MAP2K2: variants seen among roughly 807,000 people sequenced by gnomAD.
The protein encoded by MAP2K2 is dual specificity mitogen-activated protein kinase kinase 2.
MAP2K2 carries 24 observed loss-of-function variants against 43.7 expected under a neutral mutation model. The observed-to-expected ratio is 0.55, with a 90% CI of 0.40 to 0.77. The LOEUF (loss-of-function observed/expected upper bound fraction) is 0.77. Ranked by LOEUF, MAP2K2 falls within the 30% of genes least tolerant of loss-of-function variation. The pLI, the probability that MAP2K2 is intolerant of heterozygous loss-of-function variation, is 0.00. For synonymous variants in MAP2K2, 244 were observed against 239.7 expected, an observed-to-expected ratio of 1.02 and a Z score of -0.17; for missense variants, 470 against 566.8, an observed-to-expected ratio of 0.83 and a Z score of 1.73.
At chr19:4,123,498 T>C (rs1000628312) in intron 1 of MAP2K2, among the ~76,000 whole-genome samples, 2 of 147,350 alleles carry the variant, frequency 1.4e-5, no homozygotes, top group South Asian at 2.1e-4. Flanking sequence ...CCTCGCCCAA[T>C]CTCACTGCTC....
intron 3 of MAP2K2, among the ~76,000 whole-genome samples, chr19:4,104,038 C>T (rs1413155769): frequency 2.0e-5 from 3 of 151,798 alleles, no homozygotes; most frequent in Non-Finnish European, 2.9e-5. Context: ...CTGAGGCAGG[C>T]GGATCACTTG....
At chr19:4,103,819 C>T (rs1351657185) in intron 3 of MAP2K2, among the ~76,000 whole-genome samples, 1 of 152,226 alleles carries the variant, frequency 6.6e-6, no homozygotes, top group East Asian at 1.9e-4. Flanking sequence ...GCTGAAGACG[C>T]AGACACACAG....
intron 1 of MAP2K2, among the ~76,000 whole-genome samples, chr19:4,118,569 G>C (rs901542711): frequency 7.2e-5 from 11 of 151,862 alleles, no homozygotes; most frequent in Admixed American, 2.6e-4. Context: ...GCAGAGGGAG[G>C]CTCTGTCTCA....
At chr19:4,096,451 C>A (rs1340700133) in intron 8 of MAP2K2, among the ~76,000 whole-genome samples, 1 of 152,200 alleles carries the variant, frequency 6.6e-6, no homozygotes, top group Non-Finnish European at 1.5e-5. Flanking sequence ...GTCACGTGGC[C>A]AACAGGACCT....
intron 8 of MAP2K2, among the ~76,000 whole-genome samples, chr19:4,096,775 G>T (rs2040924137): frequency 6.6e-6 from 1 of 152,166 alleles, no homozygotes; most frequent in Non-Finnish European, 1.5e-5. Context: ...GGGCAGGCTG[G>T]CTCCTCGGCC....
Position 4,095,379 on chromosome 19 carries a change from TCCAC to T in MAP2K2, c.1046+5_1046+8del. 6.4e-7 allele frequency: 1 copy of T among 1,550,808 alleles called. No homozygotes were observed. Among genetic ancestry groups the T allele is most frequent in the African/African-American group, 1.4e-5 (1 of 73,124 alleles). The stretch of plus-strand genomic sequence containing the variant: ...CGGCCAGGGGTGTGGGCAGCCCGGC[TCCAC>T]CTACCATTTATTGACAAACTCCTGG... On this transcript the variant is annotated splice_donor_5th_base_variant and intron_variant, in intron 9 of 10. Transcript: ENST00000262948.
At chr19:4,105,155 C>CGTGTGT (rs61710801) in intron 3 of MAP2K2, among the ~76,000 whole-genome samples, 2,261 of 137,706 alleles carry the variant, frequency 0.016, 85 homozygotes, top group African/African-American at 0.061. Flanking sequence ...ACACGTCTAC[C>CGTGTGT]GTGTGTGTGT....
intron 8 of MAP2K2, among the ~76,000 whole-genome samples, chr19:4,096,212 G>T (rs1023067530): frequency 2.0e-5 from 3 of 152,238 alleles, no homozygotes; most frequent in Non-Finnish European, 2.9e-5. Flanking sequence ...GCGGGAAGAG[G>T]CGGGGGAGAG....
chr19:4,105,841 T>G (rs1183189772), intron 3 of MAP2K2, among the ~76,000 whole-genome samples: 1 of 151,924 alleles, frequency 6.6e-6, no homozygotes, highest in Non-Finnish European at 1.5e-5. Flanking sequence ...CCTGCTAATT[T>G]TTTGTAGAGA....
Position 4,115,378 on chromosome 19 carries a change from G to C in MAP2K2, c.303+2041C>G, listed in dbSNP as rs769325721. On this transcript the variant is annotated intron_variant, in intron 2 of 10. Coordinates refer to ENST00000262948, the MANE Select transcript of MAP2K2 (RefSeq NM_030662.4). This position sits in a 1 kb window ranked among gnomAD's most constrained non-coding sequence, Gnocchi z 4.1. The stretch of plus-strand genomic sequence containing the variant: ...AGGAGCTGCTGATACAGCAAGCATT[G>C]GGTTCATGTCCACTGCCCAGCCCAT... Among the ~76,000 whole-genome samples, 4 of 152,180 alleles carry C rather than the reference G, an allele frequency of 2.6e-5. No individual in the cohort carries two copies. Among genetic ancestry groups the C allele is most frequent in the Non-Finnish European group, 5.9e-5 (4 of 68,040 alleles).
In MAP2K2 at chr19:4,095,286, G is replaced by C. The variant is rs932060698; in HGVS notation, c.1046+102C>G. The stretch of plus-strand genomic sequence containing the variant: ...TGAGTCCTGCCTAACGCTGCACTGG[G>C]ATTCTGGATGGGCAGGCTGGGCCAC... On this transcript the variant is annotated intron_variant, in intron 9 of 10. Coordinates refer to ENST00000262948, the MANE Select transcript of MAP2K2 (RefSeq NM_030662.4). The C allele has an allele frequency of 9.8e-6, 10 of 1,023,378 alleles. No homozygotes were observed. The African/African-American group carries it at 1.6e-4, about 16-fold the overall frequency. 63.4% of individuals were successfully genotyped at this position (1,023,378 alleles called of 1,614,324 possible). A position where few individuals can be genotyped will look rare whatever the true frequency, so the allele number is the denominator to read the frequency against.
At chr19:4,117,698 C>A in intron 1 of MAP2K2, 69 bp from the exon 2 acceptor site, 1 of 1,398,766 alleles carries the variant, frequency 7.1e-7, no homozygotes. Flanking sequence ...GCTATGTGGC[C>A]GTGGTGCATC....
At chr19:4,097,378 G>C (rs746809948) in intron 7 of MAP2K2, 35 bp from the exon 8 acceptor site, 1 of 1,532,750 alleles carries the variant, frequency 6.5e-7, no homozygotes, top group Non-Finnish European at 9.0e-7. Flanking sequence ...GAGATGGGCC[G>C]ATGGCCACCT....
chr19:4,103,742 G>A (rs761373780), intron 3 of MAP2K2, among the ~76,000 whole-genome samples: 4 of 152,230 alleles, frequency 2.6e-5, no homozygotes, highest in African/African-American at 4.8e-5. Flanking sequence ...GCCGAAGGCA[G>A]TTCTAGAAAA....
At position 4,115,439 on chromosome 19, in the gene MAP2K2, G is replaced by A. The variant is rs1307773605; in HGVS notation, c.303+1980C>T. Among the ~76,000 whole-genome samples, 1 of 152,186 alleles carries A rather than the reference G, an allele frequency of 6.6e-6. No individual in the cohort carries two copies. Among genetic ancestry groups the A allele is most frequent in the East Asian group, 1.9e-4 (1 of 5,190 alleles). On this transcript the variant is annotated intron_variant, in intron 2 of 10. Transcript: ENST00000262948. This position sits in a 1 kb window ranked among gnomAD's most constrained non-coding sequence, Gnocchi z 4.1. Reference sequence around the variant, plus strand: ...TGGAGGCTCCCCCAGAAGCCTGAGGGTCCCTGGCACACACGAGGACTGGCA... The same window carrying A: ...TGGAGGCTCCCCCAGAAGCCTGAGGATCCCTGGCACACACGAGGACTGGCA...
chr19:4,103,263 TC>T (rs2041040443), intron 3 of MAP2K2: 2 of 985,060 alleles, frequency 2.0e-6, no homozygotes, highest in Non-Finnish European at 2.4e-6. Context: ...TGGCCCCACA[TC>T]CATGTCATAA....
At chr19:4,117,316 G>T in intron 2 of MAP2K2, 103 bp downstream of exon 2, 2 of 1,089,580 alleles carry the variant, frequency 1.8e-6, no homozygotes, top group Non-Finnish European at 2.7e-6. Context: ...AGAGCCTGGA[G>T]CTAATCAGAA....
rs372761383 is a variant in MAP2K2 at position 4,101,180 on chromosome 19, A to G, written c.581-37T>C. 3.1e-6 allele frequency: 4 copies of G among 1,292,992 alleles called. No homozygotes were observed. The highest frequency in any genetic ancestry group is 4.1e-6 in the Non-Finnish European group (4 of 964,676). 80.1% of individuals were successfully genotyped at this position (1,292,992 alleles called of 1,614,324 possible). The stretch of plus-strand genomic sequence containing the variant: ...AGGCTGCGGGTGAGGGGCGCCCAAC[A>G]GTTGCCTGCCGGCCCCCGGGGCTCT... On this transcript the variant is annotated intron_variant, in intron 5 of 10. Coordinates refer to ENST00000262948, the MANE Select transcript of MAP2K2 (RefSeq NM_030662.4). This position sits in a 1 kb window ranked among gnomAD's most constrained non-coding sequence, Gnocchi z 6.3.
Position 4,115,146 on chromosome 19 carries a change from T to C in MAP2K2, c.303+2273A>G, listed in dbSNP as rs2041204309. Among the ~76,000 whole-genome samples, 2 of 151,962 alleles carry C rather than the reference T, an allele frequency of 1.3e-5. No homozygotes were observed. The highest frequency in any genetic ancestry group is 4.8e-5 in the African/African-American group (2 of 41,364). ...AGTAACGAGAGTCCCGTGCGCCCTT[T>C]CCCCGCCTCCCCCAAGATGACTGAC... On this transcript the variant is annotated intron_variant, in intron 2 of 10. Coordinates refer to ENST00000262948, the MANE Select transcript of MAP2K2 (RefSeq NM_030662.4). The surrounding 1 kb of genome is among the most constrained non-coding windows in gnomAD (Gnocchi z 4.1).
Sources: gnomAD v4.1 joint callset for allele counts (sites outside exome capture counted in the v4.1 genomes callset) on GRCh38, gnomAD v4.1.1 for gene constraint, Gnocchi (gnomAD v3.1) non-coding constraint, MANE v1.5 for transcripts, NCBI Gene and HGNC (gene_info 2026-07-23, HGNC 2026-07-21) for gene names.